MDFI: variants seen among roughly 807,000 people sequenced by gnomAD.
The protein encoded by MDFI is MyoD family inhibitor.
MDFI carries 16 observed loss-of-function variants against 22.3 expected under a neutral mutation model. The observed-to-expected ratio is 0.72, with a 90% confidence interval of 0.49 to 1.09. The LOEUF (loss-of-function observed/expected upper bound fraction) is 1.09, where lower values mean the gene tolerates loss of function less well. MDFI is among the 50% of genes least tolerant of loss of function. The pLI is 0.00. For synonymous variants in MDFI, 145 were observed against 142.7 expected (o/e 1.02, Z -0.12); for missense variants, 314 against 326.1 (o/e 0.96, Z 0.29).
At chr6:41,648,784 T>A (rs1357601347) in intron 3 of MDFI, among the ~76,000 whole-genome samples, 1 of 152,046 alleles carries the variant, frequency 6.6e-6, no homozygotes, top group Non-Finnish European at 1.5e-5. Flanking sequence ...AGCCAGCTGG[T>A]TCTCACCCAG....
chr6:41,648,373 G>A (rs570541715), intron 3 of MDFI, among the ~76,000 whole-genome samples: 15 of 152,206 alleles, frequency 9.9e-5, no homozygotes, highest in Non-Finnish European at 1.9e-4. Flanking sequence ...CAATACTGAG[G>A]GGATGCGTGA....
chr6:41,637,893 C>T (rs79010997), upstream of MDFI, among the ~76,000 whole-genome samples: 2,033 of 152,264 alleles, frequency 0.013, 33 homozygotes, highest in African/African-American at 0.046. The surrounding 1 kb of genome is among the most constrained non-coding windows in gnomAD (Gnocchi z 6.8). Flanking sequence ...TGCTGCGGCA[C>T]AGGGCAGGCT....
chr6:41,641,402 G>C (rs1402328499), intron 2 of MDFI, among the ~76,000 whole-genome samples: 1 of 152,252 alleles, frequency 6.6e-6, no homozygotes, highest in Non-Finnish European at 1.5e-5. Flanking sequence ...TCCAGGATGA[G>C]TTGGGTTTGG....
In MDFI at chr6:41,638,675, C is replaced by T; in HGVS notation, c.-12+23C>T. ...CGAGTGAGTGGACGTGGGAGGCGCG[C>T]ATCTGCGGGGGAATCGCCCCTTGCC... On this transcript the variant is annotated intron_variant, in intron 1 of 4. Transcript: ENST00000230321. The surrounding 1 kb of genome is among the most constrained non-coding windows in gnomAD (Gnocchi z 7.6). 1 of 1,450,838 alleles carries T rather than the reference C, an allele frequency of 6.9e-7. No individual in the cohort carries two copies. Among genetic ancestry groups the T allele is most frequent in the South Asian group, 1.2e-5 (1 of 81,654 alleles). The allele number at this position is 1,450,838 out of a possible 1,614,324, so 89.9% of individuals were successfully genotyped here. A position where few individuals can be genotyped will look rare whatever the true frequency, so the allele number is the denominator to read the frequency against.
rs1388751036 is a variant in MDFI, at chr6:41,643,528, AGGAG to A, written c.77-2594_77-2591del. 1.2e-3 allele frequency among the ~76,000 whole-genome samples: 71 copies of A among 59,562 alleles called. 1 individual carries two copies. Among genetic ancestry groups the A allele is most frequent in the African/African-American group, 4.0e-3 (63 of 15,636 alleles). The allele number at this position is 59,562 out of a possible 152,430, so 39.1% of individuals were successfully genotyped here. On this transcript the variant is annotated intron_variant, in intron 2 of 4. Coordinates refer to ENST00000230321, the MANE Select transcript of MDFI (RefSeq NM_005586.4). ...AAATGTTAAACCACACAGCACAGGA[AGGAG>A]GGAAGGAGGGAAGGAGGGAAGGAAG...
chr6:41,640,934 G>A (rs953349188), intron 2 of MDFI, among the ~76,000 whole-genome samples: 2 of 152,222 alleles, frequency 1.3e-5, no homozygotes, highest in African/African-American at 4.8e-5. Flanking sequence ...ATTTCCTGGG[G>A]ATTTGGAACC....
In MDFI at chr6:41,638,893, T is replaced by C. The variant is rs1211408527; in HGVS notation, c.76+68T>C. 6.9e-7 allele frequency: 1 copy of C among 1,451,828 alleles called. No homozygotes were observed. Among genetic ancestry groups the C allele is most frequent in the African/African-American group, 1.4e-5 (1 of 69,742 alleles). The allele number at this position is 1,451,828 out of a possible 1,614,324, so 89.9% of individuals were successfully genotyped here. Reference sequence around the variant, plus strand: ...GGCGGCTGAAGGGGCCAGTTATTAGTTCTCCTCTCCGTCCCCAGACGCGGG... The same window carrying C: ...GGCGGCTGAAGGGGCCAGTTATTAGCTCTCCTCTCCGTCCCCAGACGCGGG... On this transcript the variant is annotated intron_variant, in intron 2 of 4. Transcript: ENST00000230321. The surrounding 1 kb of genome is among the most constrained non-coding windows in gnomAD (Gnocchi z 7.6).
At chr6:41,648,234 C>T (rs1212912866) in intron 3 of MDFI, among the ~76,000 whole-genome samples, 2 of 152,144 alleles carry the variant, frequency 1.3e-5, no homozygotes, top group African/African-American at 4.8e-5. Context: ...ATCTCTAACA[C>T]TTGCTAGCTG....
intron 4 of MDFI, among the ~76,000 whole-genome samples, chr6:41,650,854 G>A (rs116115941): frequency 0.011 from 1,707 of 152,058 alleles, 14 homozygotes; most frequent in Non-Finnish European, 0.018. Flanking sequence ...GATTACCGGC[G>A]TGAGCCACCA....
At chr6:41,643,989 G>A (rs376403436) in intron 2 of MDFI, among the ~76,000 whole-genome samples, 14 of 152,106 alleles carry the variant, frequency 9.2e-5, no homozygotes, top group African/African-American at 3.4e-4. Flanking sequence ...GCCTCTGGGG[G>A]CCAGGGTCCG....
chr6:41,638,685 G>C lies in MDFI; in HGVS notation c.-12+33G>C, dbSNP rs929600654. On this transcript the variant is annotated intron_variant, in intron 1 of 4. Transcript: ENST00000230321. This position sits in a 1 kb window ranked among gnomAD's most constrained non-coding sequence, Gnocchi z 7.6. ...GACGTGGGAGGCGCGCATCTGCGGG[G>C]GAATCGCCCCTTGCCCGCCTCCGGC... is the stretch of plus-strand genomic sequence containing the variant. 1 of 1,497,706 alleles carries C rather than the reference G, an allele frequency of 6.7e-7. No homozygotes were observed. Among genetic ancestry groups the C allele is most frequent in the African/African-American group, 1.4e-5 (1 of 71,894 alleles). The allele number at this position is 1,497,706 out of a possible 1,614,324, so 92.8% of individuals were successfully genotyped here. A position where few individuals can be genotyped will look rare whatever the true frequency, so the allele number is the denominator to read the frequency against.
intron 2 of MDFI, chr6:41,639,670 G>A (rs961632267): frequency 1.0e-6 from 1 of 985,464 alleles, no homozygotes; most frequent in Non-Finnish European, 1.2e-6. Flanking sequence ...CCGCGTGCAG[G>A]AGTGTGGACC....
In MDFI at chr6:41,649,537, C is replaced by T. The variant is rs544605447; in HGVS notation, c.260-82C>T. 5 of 1,282,154 alleles carry T rather than the reference C, an allele frequency of 3.9e-6. No individual in the cohort carries two copies. The South Asian group carries it at 4.3e-5, about 11-fold the overall frequency. The allele number at this position is 1,282,154 out of a possible 1,614,324, so 79.4% of individuals were successfully genotyped here. On this transcript the variant is annotated intron_variant, in intron 3 of 4. Coordinates refer to ENST00000230321, the MANE Select transcript of MDFI (RefSeq NM_005586.4). ...GTGCTTTGGGGTATATGTAAGAATG[C>T]AGCAGGCAGGATTCGAGCATAGCTC...
intron 2 of MDFI, among the ~76,000 whole-genome samples, chr6:41,642,540 C>G (rs78640497): frequency 0.079 from 11,977 of 152,282 alleles, 657 homozygotes; most frequent in Middle Eastern, 0.17. Flanking sequence ...GCCACCCGGG[C>G]AGTGTCTCCT....
upstream of MDFI, chr6:41,637,175 C>T (rs1262616678): frequency 6.6e-6 from 1 of 152,170 alleles, no homozygotes; most frequent in African/African-American, 2.4e-5. This position sits in a 1 kb window ranked among gnomAD's most constrained non-coding sequence, Gnocchi z 6.8. Context: ...CCACCCCAGC[C>T]CATCGCTGGG....
intron 3 of MDFI, 47 bp downstream of exon 3, chr6:41,646,355 C>T: frequency 7.3e-7 from 1 of 1,365,620 alleles, no homozygotes; most frequent in Non-Finnish European, 9.5e-7. Flanking sequence ...TGTAGGGTTG[C>T]ACTAGGGAAC....
At chr6:41,639,303 C>T (rs1432987584) in intron 2 of MDFI, 1 of 985,010 alleles carries the variant, frequency 1.0e-6, no homozygotes, top group East Asian at 1.1e-4. Context: ...CAGGACCCAG[C>T]CCCTCCCCTC....
At chr6:41,640,366 A>G (rs1192271453) in intron 2 of MDFI, among the ~76,000 whole-genome samples, 1 of 152,140 alleles carries the variant, frequency 6.6e-6, no homozygotes, top group East Asian at 1.9e-4. Context: ...CAGCAAGAGG[A>G]GAGGGCTAAC....
At chr6:41,645,545 C>G (rs1218304283) in intron 2 of MDFI, among the ~76,000 whole-genome samples, 4 of 152,172 alleles carry the variant, frequency 2.6e-5, no homozygotes, top group Non-Finnish European at 5.9e-5. Context: ...CCTCCGCGCT[C>G]TGTATCACAC....
Sources: allele counts gnomAD v4.1 joint callset (sites outside exome capture counted in the v4.1 genomes callset), GRCh38; gene constraint gnomAD v4.1.1; non-coding constraint Gnocchi (gnomAD v3.1); transcripts MANE v1.5; gene names NCBI Gene and HGNC (gene_info 2026-07-23, HGNC 2026-07-21).